TULP1: variants seen among roughly 807,000 people sequenced by gnomAD.
TULP1 encodes tubby-related protein 1.
A neutral mutation model predicts 67.1 loss-of-function variants in TULP1; 50 were observed. That is an observed-to-expected ratio of 0.75 (90% CI 0.59 to 0.94). The LOEUF (loss-of-function observed/expected upper bound fraction) is 0.94, where lower values mean the gene tolerates loss of function less well. Ranked by LOEUF, TULP1 falls within the 40% of genes least tolerant of loss-of-function variation. The pLI is 0.00. For missense variants in TULP1, 746 were observed against 734.1 expected (o/e 1.02, Z -0.19); for synonymous variants, 297 against 294.0 (o/e 1.01, Z -0.11).
chr6:35,506,152 G>A lies in TULP1; in HGVS notation c.850C>T (p.Pro284Ser), dbSNP rs1031311902. The change falls in exon 10 of 15, where the codon CCC becomes TCC. Residue 284 changes from proline to serine, a missense_variant. By Grantham distance (74) the Pro-to-Ser change is moderately conservative. Around this residue, in one of 3 missense-constraint regions of TULP1, gnomAD observed 383 missense variants for 374.1 expected, o/e 1.02. Coordinates refer to ENST00000229771, the MANE Select transcript of TULP1 (RefSeq NM_003322.6). ...KKAKEERAPS[P>S]PVEVDEPREF... is the part of the protein sequence containing the mutation. ...CGGGGTTCGTCCACCTCCACGGGGG[G>A]AGACGGGGCCCTCTCCTCCTTCTGG... 5.0e-6 allele frequency: 8 copies of A among 1,613,578 alleles called. No individual in the cohort carries two copies. The highest frequency in any genetic ancestry group is 6.8e-6 in the Non-Finnish European group (8 of 1,179,898).
At chr6:35,506,204 A>T in intron 9 of TULP1, 31 bp from the exon 10 acceptor site, 1 of 1,612,894 alleles carries the variant, frequency 6.2e-7, no homozygotes, top group Non-Finnish European at 8.5e-7. Flanking sequence ...CATCAGCCCC[A>T]GAGCACCAGC....
In TULP1 at chr6:35,512,077, C is replaced by A. The variant is rs1200947551; in HGVS notation, c.190+103G>T. 5.9e-6 allele frequency: 4 copies of A among 678,590 alleles called. No homozygotes were observed. In the African/African-American group the frequency reaches 7.3e-5, roughly 12 times the overall value. The allele number at this position is 678,590 out of a possible 1,614,324, so 42.0% of individuals were successfully genotyped here. A position where few individuals can be genotyped will look rare whatever the true frequency, so the allele number is the denominator to read the frequency against. On this transcript the variant is annotated intron_variant, in intron 3 of 14. Transcript: ENST00000229771. ...CTCATCACTCCCCGCCCCCTCCTCC[C>A]CCACCCCGTTCCAGGGCTCGGCGAC... is the stretch of plus-strand genomic sequence containing the variant.
In TULP1 at chr6:35,500,092, G is replaced by A. The variant is rs760326438; in HGVS notation, c.1384C>T (p.His462Tyr). The A allele has an allele frequency of 5.0e-6, 8 of 1,614,186 alleles. No individual in the cohort carries two copies. Among genetic ancestry groups the A allele is most frequent in the Non-Finnish European group, 6.8e-6 (8 of 1,180,038 alleles). The part of the protein sequence containing the change: ...NKTLESLIEL[H>Y]NKPPVWNDDS... The stretch of plus-strand genomic sequence containing the variant: ...TCGTTCCAGACAGGTGGCTTGTTGT[G>A]CAGTTCTATGAGGCTCTCCAGCGTC... Residue 462 changes from histidine to tyrosine, a missense_variant, in exon 14 of 15, where the codon CAC becomes TAC. His to Tyr is a moderately conservative substitution (Grantham distance 83). Around this residue, in one of 3 missense-constraint regions of TULP1, gnomAD observed 383 missense variants for 374.1 expected, o/e 1.02. Coordinates refer to ENST00000229771, the MANE Select transcript of TULP1 (RefSeq NM_003322.6).
intron 5 of TULP1, 193 bp downstream of exon 5, chr6:35,510,668 G>A (rs911523642): frequency 8.0e-7 from 1 of 1,255,460 alleles, no homozygotes; most frequent in Non-Finnish European, 1.1e-6. Flanking sequence ...AGTGGGGCCA[G>A]GGGTGGAGGC....
At chr6:35,512,023 AC>A (rs1451418112) in intron 3 of TULP1, 156 bp downstream of exon 3, 30 of 433,990 alleles carry the variant, frequency 6.9e-5, no homozygotes, top group Non-Finnish European at 1.0e-4. Flanking sequence ...ACCAACCCCA[AC>A]CCCAACCCCA....
intron 4 of TULP1, 104 bp downstream of exon 4, chr6:35,511,544 G>T: frequency 6.6e-7 from 1 of 1,517,958 alleles, no homozygotes; most frequent in South Asian, 1.2e-5. Flanking sequence ...GGGGCTATTT[G>T]ACTACAGTTG....
intron 8 of TULP1, 69 bp downstream of exon 8, chr6:35,509,140 C>T: frequency 1.4e-6 from 2 of 1,414,212 alleles, no homozygotes; most frequent in Non-Finnish European, 2.0e-6. Context: ...ACCCTCTAGG[C>T]TCCCAAGTCC....
Position 35,506,106 on chromosome 6 carries a change from G to A in TULP1, c.896C>T (p.Ala299Val), listed in dbSNP as rs1367382876. 2 of 1,613,550 alleles carry A rather than the reference G, an allele frequency of 1.2e-6. No homozygotes were observed. Among genetic ancestry groups the A allele is most frequent in the Non-Finnish European group, 8.5e-7 (1 of 1,179,992 alleles). Residue 299 changes from alanine to valine, a missense_variant, in exon 10 of 15, where the codon GCC becomes GTC. Coordinates refer to ENST00000229771, the MANE Select transcript of TULP1 (RefSeq NM_003322.6). The part of the protein sequence containing the change: ...DEPREFVLRP[A>V]PQGRTVRCRL... ...GCAGCGCACCGTGCGGCCCTGGGGG[G>A]CAGGCCGGAGCACAAACTCCCGGGG...
At chr6:35,512,736 C>A in intron 1 of TULP1, 46 bp from the exon 2 acceptor site, 2 of 1,601,378 alleles carry the variant, frequency 1.2e-6, no homozygotes, top group Non-Finnish European at 1.7e-6. Context: ...CCCTTCCCTC[C>A]CCATCCCACC....
Position 35,509,306 on chromosome 6 carries a change from G to A in TULP1, c.725C>T (p.Pro242Leu), listed in dbSNP as rs575656796. 3.7e-6 allele frequency: 6 copies of A among 1,613,920 alleles called. No individual in the cohort carries two copies. In the South Asian group the frequency reaches 4.4e-5, roughly 12 times the overall value. The change falls in exon 8 of 15, where the codon CCC becomes CTC. Residue 242 changes from proline (P) to leucine (L), a missense_variant. Pro to Leu is a moderately conservative substitution (Grantham distance 98, BLOSUM62 -3). Transcript: ENST00000229771. Reference sequence around the variant, plus strand: ...TTCTTCCTCCTTCCTCGCGCCTTTGGGAGTGCCTGAGCGTGGAGGGGGAAA... The same window carrying A: ...TTCTTCCTCCTTCCTCGCGCCTTTGAGAGTGCCTGAGCGTGGAGGGGGAAA... ...DKKALKKKGTPKGARKEEEEE... is the reference protein window; with the variant it reads ...DKKALKKKGTLKGARKEEEEE...
rs281865170 is a variant in TULP1, at chr6:35,509,331, A to G, written c.719-19T>C. On this transcript the variant is annotated intron_variant, in intron 7 of 14. Transcript: ENST00000229771. ...GGAGTGCCTGAGCGTGGAGGGGGAA[A>G]CAAGGCTGTGAACTCCTCACCCTGG... The G allele has an allele frequency of 3.7e-6, 6 of 1,612,246 alleles. No homozygotes were observed. The highest frequency in any genetic ancestry group is 5.1e-6 in the Non-Finnish European group (6 of 1,178,528).
At chr6:35,507,075 T>C (rs942334015) in intron 8 of TULP1, among the ~76,000 whole-genome samples, 12 of 151,838 alleles carry the variant, frequency 7.9e-5, no homozygotes, top group African/African-American at 2.7e-4. Context: ...CTGTGACCAG[T>C]AGAATATGGC....
chr6:35,511,800 C>G lies in TULP1; in HGVS notation c.197G>C (p.Arg66Pro). 3 of 1,552,458 alleles carry G rather than the reference C, an allele frequency of 1.9e-6. No individual in the cohort carries two copies. Among genetic ancestry groups the G allele is most frequent in the Non-Finnish European group, 2.6e-6 (3 of 1,148,230 alleles). Residue 66 changes from arginine (R) to proline (P), a missense_variant, in exon 4 of 15, where the codon CGG becomes CCG. This residue lies in a region of TULP1 where 359 missense variants were observed against 341.9 expected (regional missense o/e 1.05). Coordinates refer to ENST00000229771, the MANE Select transcript of TULP1 (RefSeq NM_003322.6). ...AGGCTCCTCCCGCGGCCTCCCCGTC[C>G]GCCCAGCTGAGCCGAGATGCGGGGT... ...GSKPRKPGAGRTGRPREEPSP... is the reference protein window; with the variant it reads ...GSKPRKPGAGPTGRPREEPSP...
chr6:35,503,798 G>T lies in TULP1; in HGVS notation c.1163C>A (p.Pro388Gln), dbSNP rs773239332. Residue 388 changes from proline (P) to glutamine (Q), a missense_variant, in exon 12 of 15, where the codon CCA becomes CAA. Physicochemically the swap from Pro to Gln is moderately conservative, Grantham distance 76. Coordinates refer to ENST00000229771, the MANE Select transcript of TULP1 (RefSeq NM_003322.6). This position sits in a 1 kb window ranked among gnomAD's most constrained non-coding sequence, Gnocchi z 4.0. Reference sequence around the variant, plus strand: ...CACATTAGTGCTGTACCCACGCTGTGGGTTCTGCCCGTTGTCAAAGACCGT... The same window carrying T: ...CACATTAGTGCTGTACCCACGCTGTTGGTTCTGCCCGTTGTCAAAGACCGT... ...RFTVFDNGQN[P>Q]QRGYSTNVAS... The T allele has an allele frequency of 8.1e-6, 13 of 1,613,248 alleles. No homozygotes were observed. Among genetic ancestry groups the T allele is most frequent in the Non-Finnish European group, 1.1e-5 (13 of 1,179,892 alleles).
rs1768741614 is a variant in TULP1, at chr6:35,498,157, G to A, written c.*170C>T. On this transcript the variant is annotated 3_prime_UTR_variant, in exon 15 of 15. Transcript: ENST00000229771. This position sits in a 1 kb window ranked among gnomAD's most constrained non-coding sequence, Gnocchi z 6.7. ...CCGCCGTCCGGGCTCCTCCTGCCTC[G>A]GCCTGTGCCAGGCTGGGGAGAGGAC... 1.8e-6 allele frequency: 2 copies of A among 1,132,462 alleles called. No individual in the cohort carries two copies. The highest frequency in any genetic ancestry group is 3.1e-5 in the African/African-American group (2 of 64,122). The allele number at this position is 1,132,462 out of a possible 1,614,324, so 70.2% of individuals were successfully genotyped here.
In TULP1 at chr6:35,509,689, T is replaced by C; in HGVS notation, c.663A>G (p.Ala221=). The change falls in exon 7 of 15, where the codon GCA becomes GCG. Residue 221 remains alanine, a synonymous_variant. Coordinates refer to ENST00000229771, the MANE Select transcript of TULP1 (RefSeq NM_003322.6). The stretch of plus-strand genomic sequence containing the variant: ...TGCCTTCCCCAACCAGAAACATGGC[T>C]GCTGGGCTCTTCCTCGCACTGGCTG... ...GSPASARKSP[A]AMFLVGEGSP... 6.2e-7 allele frequency: 1 copy of C among 1,614,134 alleles called. No homozygotes were observed. Among genetic ancestry groups the C allele is most frequent in the Non-Finnish European group, 8.5e-7 (1 of 1,180,038 alleles).
chr6:35,507,446 T>G (rs146564752), intron 8 of TULP1, among the ~76,000 whole-genome samples: 139 of 152,030 alleles, frequency 9.1e-4, no homozygotes, highest in African/African-American at 3.2e-3. Context: ...AGAAATTGAA[T>G]AAGAAAGTAA....
chr6:35,512,328 C>T, intron 2 of TULP1, 58 bp from the exon 3 acceptor site: 1 of 873,850 alleles, frequency 1.1e-6, no homozygotes, highest in African/African-American at 1.7e-5. Context: ...TGAGGCCCGC[C>T]CATCCCCCTC....
intron 13 of TULP1, 74 bp from the exon 14 acceptor site, chr6:35,500,226 A>G (rs912178799): frequency 6.5e-7 from 1 of 1,544,896 alleles, no homozygotes; most frequent in Non-Finnish European, 8.9e-7. Context: ...CTGACCGGAG[A>G]AGGGGCCTGG....
Sources: allele counts gnomAD v4.1 joint callset (sites outside exome capture counted in the v4.1 genomes callset), GRCh38; gene constraint gnomAD v4.1.1; regional missense constraint gnomAD v4.1.1; non-coding constraint Gnocchi (gnomAD v3.1); transcripts MANE v1.5; gene names NCBI Gene and HGNC (gene_info 2026-07-23, HGNC 2026-07-21).